Variants in CDH20 observed in about 807,000 individuals in gnomAD.
CDH20 encodes cadherin-20.
In CDH20, 29 loss-of-function variants were observed where a neutral mutation model predicts 74.2. That is an observed-to-expected ratio of 0.39 (90% confidence interval 0.29 to 0.53). The LOEUF (loss-of-function observed/expected upper bound fraction) is 0.53. CDH20 is among the 20% of genes least tolerant of loss of function. The pLI is 0.69. For missense variants in CDH20, 988 were observed against 1,048.3 expected (o/e 0.94, Z 0.79); for synonymous variants, 469 against 405.4 (o/e 1.16, Z -1.88).
At position 61,353,205 on chromosome 18, in the gene CDH20, T is replaced by C. The variant is rs1910368342; in HGVS notation, c.-153+19378T>C. Among the ~76,000 whole-genome samples, 1 of 152,208 alleles carries C rather than the reference T, an allele frequency of 6.6e-6. No homozygotes were observed. Among genetic ancestry groups the C allele is most frequent in the Non-Finnish European group, 1.5e-5 (1 of 68,044 alleles). ...TTGTCTACATAACAAAGCTCAGAGT[T>C]TTTAGCGTGGCATTAGTTTCTCCAC... On this transcript the variant is annotated intron_variant, in intron 1 of 11. Transcript: ENST00000262717. The surrounding 1 kb of genome is among the most constrained non-coding windows in gnomAD (Gnocchi z 4.6).
Position 61,554,981 on chromosome 18 carries a change from AG to A in CDH20, c.*289del, listed in dbSNP as rs1913582005. ...GCTTGGAGTCCAAGGTGTTCTGACA[AG>A]GGTGGCTTTTCTCTGCCATTCGCTA... On this transcript the variant is annotated 3_prime_UTR_variant, in exon 12 of 12. Coordinates refer to ENST00000262717, the MANE Select transcript of CDH20 (RefSeq NM_031891.4). 8 of 1,250,284 alleles carry A rather than the reference AG, an allele frequency of 6.4e-6. No homozygotes were observed. Among genetic ancestry groups the A allele is most frequent in the Admixed American group, 3.7e-5 (1 of 26,762 alleles). The allele number at this position is 1,250,284 out of a possible 1,614,324, so 77.4% of individuals were successfully genotyped here.
chr18:61,521,888 A>C (rs1230793353), intron 6 of CDH20, among the ~76,000 whole-genome samples: 1 of 152,098 alleles, frequency 6.6e-6, no homozygotes, highest in East Asian at 1.9e-4. Context: ...CATGCTAAAA[A>C]CTCTAAATAA....
At chr18:61,367,029 TCAGA>T (rs1405420607) in intron 1 of CDH20, among the ~76,000 whole-genome samples, 1 of 152,158 alleles carries the variant, frequency 6.6e-6, no homozygotes, top group African/African-American at 2.4e-5. Flanking sequence ...TAAAGTAATT[TCAGA>T]CAGGAAGAGA....
At chr18:61,404,993 G>A in intron 1 of CDH20, 1 of 709,760 alleles carries the variant, frequency 1.4e-6, no homozygotes, top group Non-Finnish European at 2.6e-6. Context: ...TGTAGTGATG[G>A]ACACCAGTTT....
intron 5 of CDH20, 38 bp from the exon 6 acceptor site, chr18:61,507,335 G>T: frequency 1.3e-6 from 2 of 1,581,722 alleles, no homozygotes; most frequent in East Asian, 2.3e-5. Flanking sequence ...TTATAGTGAC[G>T]GATTATCAAG....
intron 1 of CDH20, among the ~76,000 whole-genome samples, chr18:61,453,632 C>A (rs963780216): frequency 6.6e-6 from 1 of 152,166 alleles, no homozygotes; most frequent in African/African-American, 2.4e-5. Flanking sequence ...CAAGGCATTG[C>A]GTGTATCAAT....
At chr18:61,347,301 T>C (rs1280387821) in intron 1 of CDH20, among the ~76,000 whole-genome samples, 2 of 79,678 alleles carry the variant, frequency 2.5e-5, no homozygotes, top group African/African-American at 1.1e-4. Context: ...TATATATATA[T>C]ATATATATAT....
At chr18:61,356,265 G>A (rs1193553162) in intron 1 of CDH20, among the ~76,000 whole-genome samples, 2 of 152,162 alleles carry the variant, frequency 1.3e-5, no homozygotes, top group Non-Finnish European at 2.9e-5. Flanking sequence ...TGCAGCAAAT[G>A]TATGCATTCT....
intron 1 of CDH20, among the ~76,000 whole-genome samples, chr18:61,371,262 T>C (rs1206920444): frequency 6.6e-6 from 1 of 152,080 alleles, no homozygotes; most frequent in African/African-American, 2.4e-5. Flanking sequence ...AGCAGCAGGG[T>C]AATATTTTTT....
chr18:61,361,954 C>T (rs914619021), intron 1 of CDH20, among the ~76,000 whole-genome samples: 1 of 152,058 alleles, frequency 6.6e-6, no homozygotes, highest in Non-Finnish European at 1.5e-5. Context: ...TTATGTTTTT[C>T]AAGCATTCTC....
Position 61,528,175 on chromosome 18 carries a change from A to T in CDH20, c.1226A>T (p.Gln409Leu). The change falls in exon 7 of 12, where the codon CAG becomes CTG. Residue 409 changes from glutamine (Q) to leucine (L), a missense_variant. Physicochemically the swap from Gln to Leu is moderately radical, Grantham distance 113 (BLOSUM62 -2). Coordinates refer to ENST00000262717, the MANE Select transcript of CDH20 (RefSeq NM_031891.4). ...PEDVAIGTTIQIISAKDPDVT... is the reference protein window; with the variant it reads ...PEDVAIGTTILIISAKDPDVT... ...GATGTGGCGATTGGAACAACCATAC[A>T]GATCATTTCTGCCAAGGACCCAGAT... The T allele has an allele frequency of 5.0e-6, 8 of 1,614,098 alleles. No homozygotes were observed. Among genetic ancestry groups the T allele is most frequent in the Non-Finnish European group, 6.8e-6 (8 of 1,179,994 alleles).
chr18:61,519,238 T>G (rs551093662), intron 6 of CDH20, among the ~76,000 whole-genome samples: 1 of 150,924 alleles, frequency 6.6e-6, no homozygotes, highest in Non-Finnish European at 1.5e-5. Context: ...CCTAGCAAGA[T>G]AGGCCAACAT....
In CDH20 at chr18:61,554,683, G is replaced by C. The variant is rs751834038; in HGVS notation, c.2394G>C (p.Ala798=). The C allele has an allele frequency of 3.2e-6, 5 of 1,567,300 alleles. No individual in the cohort carries two copies. The highest frequency in any genetic ancestry group is 1.3e-5 in the African/African-American group (1 of 74,334). Residue 798 remains alanine, a synonymous_variant, in exon 12 of 12, where the codon GCG becomes GCC. Coordinates refer to ENST00000262717, the MANE Select transcript of CDH20 (RefSeq NM_031891.4). ...TCTACGGGGCGTCGGAGGGACCCGC[G>C]CCGCTGTGGTGACGGAAGCCAGGAG... ...AELYGASEGP[A]PLW is the part of the protein sequence containing the mutation.
intron 3 of CDH20, among the ~76,000 whole-genome samples, chr18:61,499,990 G>A (rs1449098395): frequency 6.6e-6 from 1 of 151,608 alleles, no homozygotes; most frequent in Non-Finnish European, 1.5e-5. Context: ...TATAGTCCCA[G>A]CTACTCAGGA....
chr18:61,552,551 C>T (rs1469442309), intron 11 of CDH20, among the ~76,000 whole-genome samples: 3 of 152,158 alleles, frequency 2.0e-5, no homozygotes, highest in Non-Finnish European at 4.4e-5. Flanking sequence ...CAAAATACCG[C>T]CCCTACCACT....
At chr18:61,436,237 T>C (rs1483493839) in intron 1 of CDH20, among the ~76,000 whole-genome samples, 1 of 152,206 alleles carries the variant, frequency 6.6e-6, no homozygotes, top group Non-Finnish European at 1.5e-5. Flanking sequence ...AACATTCACA[T>C]ACAAGATTTT....
At chr18:61,421,757 A>T (rs972078796) in intron 1 of CDH20, among the ~76,000 whole-genome samples, 1 of 152,202 alleles carries the variant, frequency 6.6e-6, no homozygotes, top group Non-Finnish European at 1.5e-5. Flanking sequence ...AAATATGTAT[A>T]CCTAATATGT....
In CDH20 at chr18:61,544,921, A is replaced by G. The variant is rs956681798; in HGVS notation, c.1531-106A>G. 4.8e-5 allele frequency: 36 copies of G among 753,618 alleles called. No individual in the cohort carries two copies. In the Admixed American group the frequency reaches 6.0e-4, roughly 13 times the overall value. 46.7% of individuals were successfully genotyped at this position (753,618 alleles called of 1,614,324 possible). A position where few individuals can be genotyped will look rare whatever the true frequency, so the allele number is the denominator to read the frequency against. On this transcript the variant is annotated intron_variant, in intron 9 of 11. Transcript: ENST00000262717. ...CTCCCATACCAATGATATCCTTCTC[A>G]TAAGGTAAAACATCCCACCATCGCG... is the stretch of plus-strand genomic sequence containing the variant.
intron 1 of CDH20, among the ~76,000 whole-genome samples, chr18:61,477,442 C>A (rs189753296): frequency 6.6e-6 from 1 of 152,150 alleles, no homozygotes; most frequent in Non-Finnish European, 1.5e-5. Flanking sequence ...ACTTATAAAA[C>A]TGCAAAGTGG....
Sources: allele counts gnomAD v4.1 joint callset (sites outside exome capture counted in the v4.1 genomes callset), GRCh38; gene constraint gnomAD v4.1.1; non-coding constraint Gnocchi (gnomAD v3.1); transcripts MANE v1.5; gene names NCBI Gene and HGNC (gene_info 2026-07-23, HGNC 2026-07-21).